SAP130: variants seen among roughly 807,000 people sequenced by gnomAD.
SAP130 encodes histone deacetylase complex subunit SAP130.
Under a neutral mutation model 103.2 loss-of-function variants are expected in SAP130, and 16 were observed. That is an observed-to-expected ratio of 0.16 (90% CI 0.10 to 0.24). The LOEUF is 0.24. Among genes scored for constraint, SAP130 ranks in the 10% least tolerant of loss-of-function variants. The pLI is 1.00. For synonymous variants in SAP130, 477 were observed against 497.0 expected, an observed-to-expected ratio of 0.96 and a Z score of 0.53; for missense variants, 990 against 1,359.7, an observed-to-expected ratio of 0.73 and a Z score of 4.28.
At chr2:127,995,894 A>G (rs1343681986) in intron 11 of SAP130, among the ~76,000 whole-genome samples, 1 of 152,214 alleles carries the variant, frequency 6.6e-6, no homozygotes, top group African/African-American at 2.4e-5. Flanking sequence ...GTAACCATGA[A>G]GAAACAACGT....
chr2:127,988,429 TAAAAA>T (rs11380500), intron 13 of SAP130, among the ~76,000 whole-genome samples: 1 of 126,290 alleles, frequency 7.9e-6, no homozygotes, highest in Non-Finnish European at 1.6e-5. Flanking sequence ...CTTGTCTTTT[TAAAAA>T]AAAAAAAAAA....
chr2:128,016,243 C>A, intron 4 of SAP130, 146 bp downstream of exon 4: 1 of 807,700 alleles, frequency 1.2e-6, no homozygotes, highest in East Asian at 2.8e-5. Flanking sequence ...CCTTCTCTCT[C>A]AAACCTACTA....
intron 15 of SAP130, among the ~76,000 whole-genome samples, chr2:127,962,469 G>C (rs1336834844): frequency 6.6e-6 from 1 of 152,132 alleles, no homozygotes; most frequent in Non-Finnish European, 1.5e-5. Context: ...CAAAGACTCA[G>C]AACCAACCTA....
chr2:128,007,342 G>C (rs987696970), intron 7 of SAP130, among the ~76,000 whole-genome samples: 3 of 152,210 alleles, frequency 2.0e-5, no homozygotes, highest in African/African-American at 7.2e-5. Flanking sequence ...AGATGATTTA[G>C]AGTACATGGG....
Position 128,013,063 on chromosome 2 carries a change from T to G in SAP130, c.711A>C (p.Pro237=), listed in dbSNP as rs1336179897. The part of the protein sequence containing the change: ...SQLPNAATAQ[P]AVQHIIHQPI... ...GTTGGTGAATGATGTGCTGTACTGC[T>G]GGCTGAGCAGTAGCAGCATTTGGCA... The change falls in exon 6 of 21, where the codon CCA becomes CCC. Residue 237 remains proline, a synonymous_variant. Transcript: ENST00000643581. 6.2e-7 allele frequency: 1 copy of G among 1,613,540 alleles called. No individual in the cohort carries two copies. The highest frequency in any genetic ancestry group is 8.5e-7 in the Non-Finnish European group (1 of 1,179,864).
At chr2:127,978,815 A>T (rs1681656220) in intron 14 of SAP130, among the ~76,000 whole-genome samples, 1 of 152,210 alleles carries the variant, frequency 6.6e-6, no homozygotes, top group Non-Finnish European at 1.5e-5. Flanking sequence ...CCAAACTATG[A>T]AGTAGTCTTG....
chr2:128,013,652 C>T (rs1257985820), intron 5 of SAP130, among the ~76,000 whole-genome samples: 2 of 152,206 alleles, frequency 1.3e-5, no homozygotes, highest in African/African-American at 2.4e-5. Context: ...CCTGGTCTTG[C>T]GTTTGCTAAC....
intron 5 of SAP130, among the ~76,000 whole-genome samples, chr2:128,014,159 T>C (rs1313027479): frequency 6.6e-6 from 1 of 152,212 alleles, no homozygotes; most frequent in Non-Finnish European, 1.5e-5. Context: ...AATACAACTA[T>C]AATAAGCACA....
At chr2:128,008,522 G>C (rs944767017) in intron 7 of SAP130, among the ~76,000 whole-genome samples, 2 of 143,408 alleles carry the variant, frequency 1.4e-5, no homozygotes, top group South Asian at 4.5e-4. Context: ...ATGCCACCAC[G>C]CTTACCTTTT....
intron 2 of SAP130, among the ~76,000 whole-genome samples, chr2:128,020,971 C>T (rs916470997): frequency 4.0e-5 from 6 of 151,834 alleles, no homozygotes; most frequent in Admixed American, 6.6e-5. Flanking sequence ...GCCTGGGCAA[C>T]GAAGCAAGAC....
intron 4 of SAP130, 79 bp downstream of exon 4, chr2:128,016,310 T>A: frequency 7.1e-7 from 1 of 1,412,686 alleles, no homozygotes; most frequent in Non-Finnish European, 9.8e-7. Context: ...GTGACTAATG[T>A]ACTGCTAGCA....
intron 14 of SAP130, among the ~76,000 whole-genome samples, chr2:127,980,954 G>A (rs928671984): frequency 2.0e-5 from 3 of 151,988 alleles, no homozygotes; most frequent in South Asian, 4.2e-4. Context: ...ATAAAACCGA[G>A]TGATGAAAGT....
At chr2:127,982,588 G>A (rs1304711236) in intron 14 of SAP130, among the ~76,000 whole-genome samples, 1 of 152,218 alleles carries the variant, frequency 6.6e-6, no homozygotes, top group East Asian at 1.9e-4. Flanking sequence ...TATCTGGAGT[G>A]GTGCAAGAGA....
intron 7 of SAP130, among the ~76,000 whole-genome samples, chr2:128,006,572 T>C (rs1683987822): frequency 6.6e-6 from 1 of 152,036 alleles, no homozygotes; most frequent in South Asian, 2.1e-4. Flanking sequence ...CCCAGGAGTT[T>C]GACACCAGCC....
chr2:127,991,249 CA>C (rs745520683), intron 12 of SAP130, among the ~76,000 whole-genome samples: 4 of 150,192 alleles, frequency 2.7e-5, no homozygotes, highest in Non-Finnish European at 5.9e-5. Context: ...AACTCCGTCT[CA>C]AAAAAAAAGA....
chr2:127,986,773 A>G lies in SAP130; in HGVS notation c.1958+12T>C. On this transcript the variant is annotated intron_variant, in intron 14 of 20. Coordinates refer to ENST00000643581, the MANE Select transcript of SAP130 (RefSeq NM_001330301.2). The surrounding 1 kb of genome is among the most constrained non-coding windows in gnomAD (Gnocchi z 4.7). ...ACCAGAGGTGTCATTCGGCACTACC[A>G]GGTCTACTCACCCATCTGTGGCAGG... The G allele has an allele frequency of 6.2e-7, 1 of 1,611,696 alleles. No homozygotes were observed. The highest frequency in any genetic ancestry group is 8.5e-7 in the Non-Finnish European group (1 of 1,178,302).
chr2:128,027,447 G>C, intron 1 of SAP130: 4 of 1,102,078 alleles, frequency 3.6e-6, no homozygotes, highest in Non-Finnish European at 4.4e-6. Context: ...GAGCCTGGCC[G>C]GGGCAGCCCA....
At chr2:128,000,567 C>G in intron 7 of SAP130, 113 bp from the exon 8 acceptor site, 1 of 1,209,490 alleles carries the variant, frequency 8.3e-7, no homozygotes, top group Non-Finnish European at 1.1e-6. Flanking sequence ...GGAGTTAAAC[C>G]AATACTTGGT....
At position 127,949,951 on chromosome 2, in the gene SAP130, G is replaced by A. The variant is rs1559031163; in HGVS notation, c.2715C>T (p.Pro905=). 1.9e-6 allele frequency: 3 copies of A among 1,613,910 alleles called. No homozygotes were observed. The East Asian group carries it at 6.7e-5, about 36-fold the overall frequency. The change falls in exon 18 of 21, where the codon CCC becomes CCT. Residue 905 remains proline (P), a synonymous_variant. Coordinates refer to ENST00000643581, the MANE Select transcript of SAP130 (RefSeq NM_001330301.2). ...TCCGATAGTGACGAAGCAAAGTAAT[G>A]GGGGGTCTTGGACGCACTGGGACAT... ...VRYVPVRPRP[P]ITLLRHYRNP... is the part of the protein sequence containing the mutation.
Sources: gnomAD v4.1 joint callset for allele counts (sites outside exome capture counted in the v4.1 genomes callset) on GRCh38, gnomAD v4.1.1 for gene constraint, Gnocchi (gnomAD v3.1) non-coding constraint, MANE v1.5 for transcripts, NCBI Gene and HGNC (gene_info 2026-07-23, HGNC 2026-07-21) for gene names.